Variants in MIER1 observed in about 807,000 individuals in gnomAD.
MIER1 encodes MIER1 transcriptional regulator.
In MIER1, 40 loss-of-function variants were observed where a neutral mutation model predicts 75.7. The ratio of observed to expected loss-of-function variants is 0.53; its 90% CI spans 0.41 to 0.69. MIER1 has a LOEUF of 0.69. Among genes scored for constraint, MIER1 ranks in the 30% least tolerant of loss-of-function variants. The pLI, the probability that MIER1 is intolerant of heterozygous loss-of-function variation, is 0.00. For synonymous variants in MIER1, 213 were observed against 223.4 expected, an observed-to-expected ratio of 0.95 and a Z score of 0.42; for missense variants, 574 against 680.2, an observed-to-expected ratio of 0.84 and a Z score of 1.74.
At chr1:66,950,877 T>C (rs973162329) in intron 4 of MIER1, among the ~76,000 whole-genome samples, 1 of 152,188 alleles carries the variant, frequency 6.6e-6, no homozygotes, top group African/African-American at 2.4e-5. Flanking sequence ...CTTAGGCCTT[T>C]TTGGCTGGAA....
At chr1:66,931,874 T>C (rs1653469290) in intron 2 of MIER1, among the ~76,000 whole-genome samples, 1 of 152,200 alleles carries the variant, frequency 6.6e-6, no homozygotes, top group African/African-American at 2.4e-5. Flanking sequence ...TGGACCCCTT[T>C]CAGTGAATAT....
chr1:66,959,166 A>G (rs769579581), intron 6 of MIER1, among the ~76,000 whole-genome samples, 183 bp downstream of exon 6: 1 of 152,122 alleles, frequency 6.6e-6, no homozygotes, highest in African/African-American at 2.4e-5. Flanking sequence ...TGAATATACT[A>G]TGGTAATTGT....
chr1:66,925,322 C>A (rs991586939), intron 1 of MIER1: 1 of 985,350 alleles, frequency 1.0e-6, no homozygotes. Context: ...CATCGACTGC[C>A]TCCCAGCGCC....
chr1:66,969,552 A>AC, intron 8 of MIER1, among the ~76,000 whole-genome samples: 1 of 137,696 alleles, frequency 7.3e-6, no homozygotes, highest in Non-Finnish European at 1.5e-5. Flanking sequence ...CTCCAAAAAA[A>AC]AAAAAAAAAA....
chr1:66,968,947 T>C (rs987865881), intron 8 of MIER1, among the ~76,000 whole-genome samples: 2 of 152,166 alleles, frequency 1.3e-5, no homozygotes, highest in African/African-American at 4.8e-5. Context: ...TATGGCCTTG[T>C]CTACCCCAAA....
At position 66,958,124 on chromosome 1, in the gene MIER1, TGAA is replaced by T; in HGVS notation, c.411_413del (p.Glu137del). Reference sequence around the variant, plus strand: ...GTTATGGTAGTACTGTTCGACTACCTGAAGAAGATGAGGAAGAGGAAGAAGAGG... The same window carrying T: ...GTTATGGTAGTACTGTTCGACTACCTGAAGATGAGGAAGAGGAAGAAGAGG... On this transcript the variant is annotated inframe_deletion, in exon 5 of 14. Transcript: ENST00000401041. The T allele has an allele frequency of 6.2e-7, 1 of 1,609,322 alleles. No homozygotes were observed. Among genetic ancestry groups the T allele is most frequent in the Non-Finnish European group, 8.5e-7 (1 of 1,175,878 alleles).
In MIER1 at chr1:66,958,909, A is replaced by G. The variant is rs1216823989; in HGVS notation, c.560A>G (p.Asp187Gly). 7.4e-6 allele frequency: 12 copies of G among 1,611,732 alleles called. No homozygotes were observed. Among genetic ancestry groups the G allele is most frequent in the Non-Finnish European group, 1.0e-5 (12 of 1,178,030 alleles). Residue 187 changes from aspartate (D) to glycine (G), a missense_variant, in exon 6 of 14, where the codon GAT becomes GGT. By Grantham distance (94) the Asp-to-Gly change is moderately conservative (BLOSUM62 -1). Around this residue, in one of 3 missense-constraint regions of MIER1, gnomAD observed 309 missense variants for 352.8 expected, o/e 0.88. Transcript: ENST00000401041. ...GATGAAACTCAGTCTTCCAATGATG[A>G]TCCATCACAATCTGTTGCTTCTCAA... ...QEDETQSSND[D>G]PSQSVASQDA...
chr1:66,981,581 T>G (rs770288518), intron 12 of MIER1, among the ~76,000 whole-genome samples, 198 bp from the exon 13 acceptor site: 1 of 152,222 alleles, frequency 6.6e-6, no homozygotes, highest in Admixed American at 6.5e-5. Context: ...AAAGCCGTTA[T>G]GCATTTTTCC....
At chr1:66,925,216 A>T in intron 1 of MIER1, 121 bp downstream of exon 1, 1 of 1,392,704 alleles carries the variant, frequency 7.2e-7, no homozygotes, top group South Asian at 1.7e-5. Context: ...TACCGCCCGG[A>T]AGACCCTTAA....
chr1:66,929,799 G>A (rs1329772442), intron 2 of MIER1, among the ~76,000 whole-genome samples: 1 of 152,132 alleles, frequency 6.6e-6, no homozygotes, highest in East Asian at 1.9e-4. Flanking sequence ...ATTTCCTGTC[G>A]GGAATCTACT....
chr1:66,940,445 T>C (rs892109914), intron 3 of MIER1, among the ~76,000 whole-genome samples: 1 of 152,004 alleles, frequency 6.6e-6, no homozygotes, highest in African/African-American at 2.4e-5. Context: ...AAATTGTTAG[T>C]GCATTACAGA....
In MIER1 at chr1:66,984,629, G is replaced by A; in HGVS notation, c.1427G>A (p.Gly476Glu). The change falls in exon 14 of 14, where the codon GGG becomes GAG. Residue 476 changes from glycine (G) to glutamate (E), a missense_variant. Physicochemically the swap from Gly to Glu is moderately conservative, Grantham distance 98. This residue lies in a region of MIER1 where 164 missense variants were observed against 154.3 expected (regional missense o/e 1.06). Coordinates refer to ENST00000401041, the MANE Select transcript of MIER1 (RefSeq NM_001077700.3). ...ILNKEEVKVEGLHINGPTGGN... is the reference protein window; with the variant it reads ...ILNKEEVKVEELHINGPTGGN... ...AACAAAGAGGAAGTAAAAGTTGAAG[G>A]GTTACACATTAATGGACCAACAGGT... The A allele has an allele frequency of 6.2e-7, 1 of 1,613,274 alleles. No individual in the cohort carries two copies. The highest frequency in any genetic ancestry group is 1.1e-5 in the South Asian group (1 of 90,816).
chr1:66,971,995 T>C (rs1055677176), intron 10 of MIER1, among the ~76,000 whole-genome samples: 1 of 151,612 alleles, frequency 6.6e-6, no homozygotes, highest in Non-Finnish European at 1.5e-5. Flanking sequence ...GGCATATTTA[T>C]AAATATTTTC....
rs1364547303 is a variant in MIER1 at position 66,958,132 on chromosome 1, A to T, written c.413A>T (p.Asp138Val). ...YGSTVRLPEE[D>V]EEEEEEEEEG... Reference sequence around the variant, plus strand: ...AGTACTGTTCGACTACCTGAAGAAGATGAGGAAGAGGAAGAAGAGGAAGAA... The same window carrying T: ...AGTACTGTTCGACTACCTGAAGAAGTTGAGGAAGAGGAAGAAGAGGAAGAA... The change falls in exon 5 of 14, where the codon GAT becomes GTT. Residue 138 changes from aspartate (D) to valine (V), a missense_variant. Physicochemically the swap from Asp to Val is radical, Grantham distance 152. Transcript: ENST00000401041. 1 of 1,610,046 alleles carries T rather than the reference A, an allele frequency of 6.2e-7. No individual in the cohort carries two copies. The highest frequency in any genetic ancestry group is 8.5e-7 in the Non-Finnish European group (1 of 1,176,414).
At chr1:66,941,917 TGAGA>T (rs1235387555) in intron 3 of MIER1, among the ~76,000 whole-genome samples, 3 of 146,302 alleles carry the variant, frequency 2.1e-5, no homozygotes, top group Non-Finnish European at 4.4e-5. Context: ...TGCAGTGAGC[TGAGA>T]TCATGCCACT....
intron 12 of MIER1, 61 bp downstream of exon 12, chr1:66,976,783 T>A: frequency 7.4e-7 from 1 of 1,346,434 alleles, no homozygotes; most frequent in Non-Finnish European, 9.9e-7. Flanking sequence ...TCTAGATTTT[T>A]CTTGAGTTAA....
chr1:66,930,208 G>T, intron 2 of MIER1: 2 of 1,372,970 alleles, frequency 1.5e-6, no homozygotes, highest in African/African-American at 3.1e-5. Flanking sequence ...GGGGCGCCGC[G>T]AGGGGGCGGA....
Position 66,987,652 on chromosome 1 carries a change from A to AT in MIER1, c.*2759dup, listed in dbSNP as rs898200907. 2 of 152,594 alleles carry AT rather than the reference A, an allele frequency of 1.3e-5. No individual in the cohort carries two copies. Among genetic ancestry groups the AT allele is most frequent in the East Asian group, 1.9e-4 (1 of 5,238 alleles). 9.5% of individuals were successfully genotyped at this position (152,594 alleles called of 1,614,324 possible). ...CCATTCTGAATATGCTTATTAAAAT[A>AT]TTTTTTTAAACATATTTGCCTACAT... On this transcript the variant is annotated 3_prime_UTR_variant, in exon 14 of 14. Coordinates refer to ENST00000401041, the MANE Select transcript of MIER1 (RefSeq NM_001077700.3).
In MIER1 at chr1:66,983,062, C is replaced by T. The variant is rs527354511; in HGVS notation, c.1369+1144C>T. The stretch of plus-strand genomic sequence containing the variant: ...TTTTTAAGAAACTATTTGATGAGAA[C>T]ATGCTGTTAGGCTAGGAAAGTGTTC... On this transcript the variant is annotated intron_variant, in intron 13 of 13. Transcript: ENST00000401041. 6.6e-5 allele frequency among the ~76,000 whole-genome samples: 10 copies of T among 152,282 alleles called. No homozygotes were observed. In the East Asian group the frequency reaches 1.9e-3, roughly 29 times the overall value.
Sources: gnomAD v4.1 joint callset for allele counts (sites outside exome capture counted in the v4.1 genomes callset) on GRCh38, gnomAD v4.1.1 for gene constraint, gnomAD v4.1.1 regional missense constraint, MANE v1.5 for transcripts, NCBI Gene and HGNC (gene_info 2026-07-23, HGNC 2026-07-21) for gene names.